Variants in ROCK2 observed in about 807,000 individuals in gnomAD.
ROCK2 encodes Rho associated coiled-coil containing protein kinase 2.
In ROCK2, 61 loss-of-function variants were observed where a neutral mutation model predicts 195.1. The observed-to-expected ratio is 0.31, with a 90% CI of 0.25 to 0.39. The LOEUF (loss-of-function observed/expected upper bound fraction) is 0.39. Ranked by LOEUF, ROCK2 falls within the 10% of genes least tolerant of loss-of-function variation. ROCK2 has a pLI of 1.00. For synonymous variants in ROCK2, 504 were observed against 545.5 expected (o/e 0.92, Z 1.06); for missense variants, 1,109 against 1,637.4 (o/e 0.68, Z 5.57).
At chr2:11,184,302 A>G (rs1470853730) in intron 32 of ROCK2, among the ~76,000 whole-genome samples, 1 of 152,240 alleles carries the variant, frequency 6.6e-6, no homozygotes, top group African/African-American at 2.4e-5. Flanking sequence ...ATCTCATGCT[A>G]TGTTCACAAA....
intron 3 of ROCK2, among the ~76,000 whole-genome samples, chr2:11,259,342 G>C (rs1331654020): frequency 6.6e-6 from 1 of 151,266 alleles, no homozygotes; most frequent in African/African-American, 2.5e-5. Context: ...ATCAGTGTTT[G>C]CATATCATAT....
chr2:11,184,776 T>C, intron 32 of ROCK2: 2 of 983,108 alleles, frequency 2.0e-6, no homozygotes, highest in Non-Finnish European at 2.4e-6. Flanking sequence ...CAATCTGCAA[T>C]AGGAGGTTTG....
chr2:11,189,145 T>C (rs1475898946), intron 32 of ROCK2, among the ~76,000 whole-genome samples: 1 of 152,314 alleles, frequency 6.6e-6, no homozygotes, highest in East Asian at 1.9e-4. Flanking sequence ...TGAACATTTA[T>C]GGGTTCACTT....
intron 5 of ROCK2, among the ~76,000 whole-genome samples, chr2:11,230,430 A>G (rs1051948698): frequency 6.6e-6 from 1 of 152,208 alleles, no homozygotes; most frequent in Non-Finnish European, 1.5e-5. Flanking sequence ...TTTAGACAGC[A>G]TATACGTAGG....
intron 12 of ROCK2, 98 bp from the exon 13 acceptor site, chr2:11,216,304 C>T: frequency 1.1e-6 from 1 of 911,218 alleles, no homozygotes; most frequent in Non-Finnish European, 1.7e-6. Context: ...TGGTAGCTCT[C>T]CTTTATTTTT....
At chr2:11,245,209 T>C (rs1665571066) in intron 4 of ROCK2, among the ~76,000 whole-genome samples, 1 of 150,170 alleles carries the variant, frequency 6.7e-6, no homozygotes, top group Non-Finnish European at 1.5e-5. Flanking sequence ...GCTTGATGTA[T>C]AAAATATAAA....
chr2:11,255,122 C>A lies in ROCK2; in HGVS notation c.325-5324G>T, dbSNP rs558066736. On this transcript the variant is annotated intron_variant, in intron 3 of 32. Coordinates refer to ENST00000315872, the MANE Select transcript of ROCK2 (RefSeq NM_004850.5). Reference sequence around the variant, plus strand: ...GTCCCAGCTACTTGGGAGGCTGAGGCAGGAGAATGGCATGAACCCAGGAGG... The same window carrying A: ...GTCCCAGCTACTTGGGAGGCTGAGGAAGGAGAATGGCATGAACCCAGGAGG... Among the ~76,000 whole-genome samples, 23 of 147,860 alleles carry A rather than the reference C, an allele frequency of 1.6e-4. 1 individual carries two copies. The South Asian group carries it at 4.9e-3, about 31-fold the overall frequency.
At chr2:11,229,245 T>G (rs1469294135) in intron 5 of ROCK2, among the ~76,000 whole-genome samples, 1 of 152,166 alleles carries the variant, frequency 6.6e-6, no homozygotes, top group East Asian at 1.9e-4. Context: ...AATTTTTGGA[T>G]AGCATACTGA....
chr2:11,312,557 T>C (rs931740374), intron 1 of ROCK2, among the ~76,000 whole-genome samples: 4 of 152,166 alleles, frequency 2.6e-5, no homozygotes, highest in African/African-American at 4.8e-5. Context: ...GTGCTCTTTA[T>C]TGGACTGGTT....
At position 11,197,287 on chromosome 2, in the gene ROCK2, C is replaced by A; in HGVS notation, c.3341G>T (p.Ser1114Ile). Reference sequence around the variant, plus strand: ...TTGTGACCGCAGCTGCTCAATGTCACTGTCTTTACTGTCCAATGTCATCTG... The same window carrying A: ...TTGTGACCGCAGCTGCTCAATGTCAATGTCTTTACTGTCCAATGTCATCTG... ...ELQMTLDSKDSDIEQLRSQLQ... is the reference protein window; with the variant it reads ...ELQMTLDSKDIDIEQLRSQLQ... Residue 1114 changes from serine to isoleucine, a missense_variant, in exon 27 of 33, where the codon AGT (serine) becomes ATT (isoleucine). Coordinates refer to ENST00000315872, the MANE Select transcript of ROCK2 (RefSeq NM_004850.5). This position sits in a 1 kb window ranked among gnomAD's most constrained non-coding sequence, Gnocchi z 4.9. The A allele has an allele frequency of 6.2e-7, 1 of 1,614,098 alleles. No homozygotes were observed. The highest frequency in any genetic ancestry group is 8.5e-7 in the Non-Finnish European group (1 of 1,179,932).
At position 11,189,507 on chromosome 2, in the gene ROCK2, T is replaced by C. The variant is rs559301071; in HGVS notation, c.4163+2641A>G. Among the ~76,000 whole-genome samples the C allele has an allele frequency of 9.8e-5, 15 of 152,296 alleles. No individual in the cohort carries two copies. The South Asian group carries it at 2.7e-3, about 27-fold the overall frequency. On this transcript the variant is annotated intron_variant, in intron 32 of 32. Transcript: ENST00000315872. The stretch of plus-strand genomic sequence containing the variant: ...TCTAATACATCTTCCAAGGAAAAGG[T>C]CTTTAACTGTTTAGTGCTATTTATG...
intron 12 of ROCK2, 78 bp downstream of exon 12, chr2:11,217,012 A>G (rs1386795424): frequency 1.8e-5 from 13 of 742,608 alleles, no homozygotes; most frequent in Non-Finnish European, 2.7e-5. Context: ...GTGAGCCACC[A>G]CACCTGGCCG....
intron 3 of ROCK2, among the ~76,000 whole-genome samples, chr2:11,273,094 C>CAAAAAAAAAAAAAAAAAAAAAAA (rs34784074): frequency 4.6e-5 from 1 of 21,758 alleles, no homozygotes. Flanking sequence ...AAATAAGGGT[C>CAAAAAAAAAAAAAAAAAAAAAAA]AAAAAAAAAA....
chr2:11,260,926 A>G (rs1052398797), intron 3 of ROCK2, among the ~76,000 whole-genome samples: 6 of 152,204 alleles, frequency 3.9e-5, no homozygotes, highest in Non-Finnish European at 8.8e-5. Context: ...ATGTGTTTCC[A>G]TAGCACTTAA....
intron 1 of ROCK2, among the ~76,000 whole-genome samples, chr2:11,330,571 T>C (rs1668686273): frequency 6.6e-6 from 1 of 152,126 alleles, no homozygotes; most frequent in African/African-American, 2.4e-5. Flanking sequence ...TCTTTTCCTT[T>C]TGGTTTTAAA....
At chr2:11,254,412 T>A (rs1426259864) in intron 3 of ROCK2, among the ~76,000 whole-genome samples, 1 of 152,114 alleles carries the variant, frequency 6.6e-6, no homozygotes, top group Non-Finnish European at 1.5e-5. Flanking sequence ...TAAATTATTC[T>A]GGGCAGGACA....
chr2:11,299,635 C>T (rs992379995), intron 1 of ROCK2, among the ~76,000 whole-genome samples: 18 of 152,078 alleles, frequency 1.2e-4, no homozygotes, highest in African/African-American at 4.1e-4. Flanking sequence ...GGTCTTTCTG[C>T]TATTCATATA....
At chr2:11,320,964 A>G (rs1018532721) in intron 1 of ROCK2, among the ~76,000 whole-genome samples, 1 of 152,230 alleles carries the variant, frequency 6.6e-6, no homozygotes, top group Non-Finnish European at 1.5e-5. Context: ...AGTAGAGAAC[A>G]TATCTACATG....
Position 11,227,315 on chromosome 2 carries a change from A to T in ROCK2, c.807T>A (p.Gly269=). 1 of 1,613,998 alleles carries T rather than the reference A, an allele frequency of 6.2e-7. No individual in the cohort carries two copies. Among genetic ancestry groups the T allele is most frequent in the Non-Finnish European group, 8.5e-7 (1 of 1,179,908 alleles). Reference sequence around the variant, plus strand: ...ACCAATCACATTCTCGCCCATAGAAACCATCACCCCCTTGTGATTTCAGAA... The same window carrying T: ...ACCAATCACATTCTCGCCCATAGAATCCATCACCCCCTTGTGATTTCAGAA... ...PEVLKSQGGD[G]FYGRECDWWS... Residue 269 remains glycine, a synonymous_variant, in exon 6 of 33, where the codon GGT becomes GGA. Transcript: ENST00000315872.
Sources: gnomAD v4.1 joint callset for allele counts (sites outside exome capture counted in the v4.1 genomes callset) on GRCh38, gnomAD v4.1.1 for gene constraint, Gnocchi (gnomAD v3.1) non-coding constraint, MANE v1.5 for transcripts, NCBI Gene and HGNC (gene_info 2026-07-23, HGNC 2026-07-21) for gene names.